Variants in GLIS1 observed in about 807,000 individuals in gnomAD.
GLIS1 encodes zinc finger protein GLIS1.
A neutral mutation model predicts 63.8 loss-of-function variants in GLIS1; 24 were observed. That is an observed-to-expected ratio of 0.38 (90% CI 0.27 to 0.53). GLIS1 has a LOEUF of 0.53. Among genes scored for constraint, GLIS1 ranks in the 20% least tolerant of loss-of-function variants. The pLI is 0.85. For synonymous variants in GLIS1, 450 were observed against 482.5 expected, an observed-to-expected ratio of 0.93 and a Z score of 0.88; for missense variants, 1,036 against 1,074.1, an observed-to-expected ratio of 0.96 and a Z score of 0.50.
intron 2 of GLIS1, among the ~76,000 whole-genome samples, chr1:53,719,695 G>A (rs1243587618): frequency 6.6e-6 from 1 of 151,940 alleles, no homozygotes; most frequent in Non-Finnish European, 1.5e-5. Context: ...GGGTGGAGTG[G>A]GAGTTGAAAA....
At chr1:53,738,309 T>C (rs926722575) in intron 1 of GLIS1, among the ~76,000 whole-genome samples, 2 of 151,978 alleles carry the variant, frequency 1.3e-5, no homozygotes, top group African/African-American at 4.8e-5. Context: ...GGTTCGCCCT[T>C]CCCTGGTGTG....
At chr1:53,694,119 G>T (rs776281374) in intron 2 of GLIS1, among the ~76,000 whole-genome samples, 1 of 152,224 alleles carries the variant, frequency 6.6e-6, no homozygotes, top group Non-Finnish European at 1.5e-5. Flanking sequence ...TCTAGGGACT[G>T]CAGGGACCCA....
chr1:53,656,298 C>T (rs1223907082), intron 2 of GLIS1, among the ~76,000 whole-genome samples: 1 of 152,184 alleles, frequency 6.6e-6, no homozygotes, highest in African/African-American at 2.4e-5. Context: ...TAAGGTGAAA[C>T]CCTCGCCTCT....
At chr1:53,656,983 G>A (rs1045660516) in intron 2 of GLIS1, among the ~76,000 whole-genome samples, 1 of 151,492 alleles carries the variant, frequency 6.6e-6, no homozygotes, top group Admixed American at 6.6e-5. Context: ...GGGTGCAGGA[G>A]AGAGGAACAC....
In GLIS1 at chr1:53,646,223, T is replaced by C. The variant is rs1219587761; in HGVS notation, c.260-45945A>G. On this transcript the variant is annotated intron_variant, in intron 2 of 10. Transcript: ENST00000628545. This position sits in a 1 kb window ranked among gnomAD's most constrained non-coding sequence, Gnocchi z 4.2. Reference sequence around the variant, plus strand: ...ATGACAAACATAAGATTACCTCTAGTGGGTAAGCAGGGATGAAAGAAATAA... The same window carrying C: ...ATGACAAACATAAGATTACCTCTAGCGGGTAAGCAGGGATGAAAGAAATAA... Among the ~76,000 whole-genome samples the C allele has an allele frequency of 6.6e-6, 1 of 152,100 alleles. No individual in the cohort carries two copies. Among genetic ancestry groups the C allele is most frequent in the East Asian group, 1.9e-4 (1 of 5,182 alleles).
chr1:53,729,418 T>C (rs924554288), intron 2 of GLIS1, among the ~76,000 whole-genome samples: 3 of 152,080 alleles, frequency 2.0e-5, no homozygotes, highest in Non-Finnish European at 4.4e-5. Flanking sequence ...GGGATTTGGT[T>C]AGAATTAAAG....
chr1:53,585,617 C>A (rs530569768), intron 4 of GLIS1, among the ~76,000 whole-genome samples: 57 of 152,222 alleles, frequency 3.7e-4, no homozygotes, highest in African/African-American at 1.3e-3. Context: ...GGAGGGCATC[C>A]AGCAAAGCTG....
At chr1:53,597,864 T>C (rs1449387995) in intron 3 of GLIS1, among the ~76,000 whole-genome samples, 3 of 152,014 alleles carry the variant, frequency 2.0e-5, no homozygotes, top group Non-Finnish European at 4.4e-5. Flanking sequence ...ATTGTCAAAA[T>C]GATATTCAAA....
At chr1:53,531,762 G>A (rs1266757486) in intron 4 of GLIS1, among the ~76,000 whole-genome samples, 3 of 152,214 alleles carry the variant, frequency 2.0e-5, no homozygotes, top group African/African-American at 4.8e-5. Context: ...TGGGCCGCGA[G>A]CTGCTTCCAC....
Position 53,646,950 on chromosome 1 carries a change from GGGAAGGGAAGGAAAGGAAGGAAA to G in GLIS1, c.260-46695_260-46673del, listed in dbSNP as rs1456482646. ...GAAGGAAAGAAGGAAGGAAAGGGAA[GGGAAGGGAAGGAAAGGAAGGAAA>G]GGAAGGAAAGGAAGGAAAGGAAGGA... On this transcript the variant is annotated intron_variant, in intron 2 of 10. Coordinates refer to ENST00000628545, the MANE Select transcript of GLIS1 (RefSeq NM_001367484.1). This position sits in a 1 kb window ranked among gnomAD's most constrained non-coding sequence, Gnocchi z 4.2. Among the ~76,000 whole-genome samples the G allele has an allele frequency of 1.4e-4, 21 of 146,144 alleles. No individual in the cohort carries two copies. Among genetic ancestry groups the G allele is most frequent in the South Asian group, 1.1e-3 (5 of 4,476 alleles).
chr1:53,597,491 G>A (rs1645270941), intron 3 of GLIS1, among the ~76,000 whole-genome samples: 1 of 152,046 alleles, frequency 6.6e-6, no homozygotes, highest in African/African-American at 2.4e-5. Context: ...ACAAGAATGT[G>A]CACCCAAAGG....
intron 4 of GLIS1, among the ~76,000 whole-genome samples, chr1:53,575,633 G>A (rs1236816686): frequency 6.6e-6 from 1 of 152,184 alleles, no homozygotes; most frequent in Admixed American, 6.5e-5. Flanking sequence ...TGGACTATGA[G>A]CACTTCCAGG....
Position 53,506,315 on chromosome 1 carries a change from C to T in GLIS1, c.*304G>A, listed in dbSNP as rs1398275515. ...GCAGGGGAACGGAAAACAAGTTCTG[C>T]ATATTTTATATACACGAGGTCTGTG... On this transcript the variant is annotated 3_prime_UTR_variant, in exon 11 of 11. Coordinates refer to ENST00000628545, the MANE Select transcript of GLIS1 (RefSeq NM_001367484.1). 6 of 373,274 alleles carry T rather than the reference C, an allele frequency of 1.6e-5. No individual in the cohort carries two copies. Among genetic ancestry groups the T allele is most frequent in the Non-Finnish European group, 2.4e-5 (5 of 207,222 alleles). The allele number at this position is 373,274 out of a possible 1,614,324, so 23.1% of individuals were successfully genotyped here. A position where few individuals can be genotyped will look rare whatever the true frequency, so the allele number is the denominator to read the frequency against.
intron 8 of GLIS1, among the ~76,000 whole-genome samples, chr1:53,510,675 T>C (rs1163293739): frequency 6.6e-6 from 1 of 152,224 alleles, no homozygotes; most frequent in Non-Finnish European, 1.5e-5. Context: ...CAAAGTGTGA[T>C]GTCCAATACA....
intron 2 of GLIS1, among the ~76,000 whole-genome samples, chr1:53,704,407 T>C (rs529347995): frequency 1.4e-4 from 21 of 152,364 alleles, no homozygotes; most frequent in African/African-American, 4.8e-4. Context: ...ACACACAGAA[T>C]TAGCGGCAGG....
chr1:53,607,929 GA>G (rs1311039185), intron 2 of GLIS1, among the ~76,000 whole-genome samples: 1 of 150,110 alleles, frequency 6.7e-6, no homozygotes, highest in African/African-American at 2.4e-5. Flanking sequence ...TGGGCACGGA[GA>G]AAGTAGAGTG....
intron 2 of GLIS1, among the ~76,000 whole-genome samples, chr1:53,693,324 GCCA>G (rs748874710): frequency 8.9e-4 from 136 of 152,190 alleles, no homozygotes; most frequent in Non-Finnish European, 1.6e-3. Flanking sequence ...GTCTCTGGAG[GCCA>G]CCAATATGGC....
rs1205644148 is a variant in GLIS1, at chr1:53,594,830, C to T, written c.598G>A (p.Asp200Asn). ...GTGGCGAGGCTTCGGCCCGGGAGGTCCAGGTCTGGGTGCAGGCCAGTGGCC... is the reference window on the plus strand; with the variant it reads ...GTGGCGAGGCTTCGGCCCGGGAGGTTCAGGTCTGGGTGCAGGCCAGTGGCC... ...PLATGLHPDL[D>N]LPGRSLATPA... Residue 200 changes from aspartate (D) to asparagine (N), a missense_variant, in exon 4 of 11, where the codon GAC (aspartate) becomes AAC (asparagine). Coordinates refer to ENST00000628545, the MANE Select transcript of GLIS1 (RefSeq NM_001367484.1). 5 of 1,604,762 alleles carry T rather than the reference C, an allele frequency of 3.1e-6. No homozygotes were observed. The African/African-American group carries it at 6.7e-5, about 21-fold the overall frequency.
chr1:53,530,197 G>C (rs1186199185), intron 4 of GLIS1, among the ~76,000 whole-genome samples: 1 of 152,204 alleles, frequency 6.6e-6, no homozygotes, highest in Admixed American at 6.5e-5. Context: ...GGAGAAGAAA[G>C]TGGCCTTTCC....
Sources: gnomAD v4.1 joint callset for allele counts (sites outside exome capture counted in the v4.1 genomes callset) on GRCh38, gnomAD v4.1.1 for gene constraint, Gnocchi (gnomAD v3.1) non-coding constraint, MANE v1.5 for transcripts, NCBI Gene and HGNC (gene_info 2026-07-23, HGNC 2026-07-21) for gene names.